Variants in ABCB1 observed in about 807,000 individuals in gnomAD.
The protein encoded by ABCB1 is ATP-dependent translocase ABCB1.
ABCB1 carries 69 observed loss-of-function variants against 142.0 expected under a neutral mutation model. That is an observed-to-expected ratio of 0.49 (90% CI 0.40 to 0.59). The LOEUF is 0.59. Ranked by LOEUF, ABCB1 falls within the 20% of genes least tolerant of loss-of-function variation. ABCB1 has a pLI of 0.00. For missense variants in ABCB1, 1,326 were observed against 1,554.7 expected, an observed-to-expected ratio of 0.85 and a Z score of 2.47; for synonymous variants, 532 against 539.2, an observed-to-expected ratio of 0.99 and a Z score of 0.18.
chr7:87,666,584 A>G (rs891534762), intron 1 of ABCB1, among the ~76,000 whole-genome samples: 1 of 151,792 alleles, frequency 6.6e-6, no homozygotes, highest in Non-Finnish European at 1.5e-5. Context: ...CCAGGATGGT[A>G]TTTCCTATGT....
rs182434349 is a variant in ABCB1 at position 87,707,070 on chromosome 7, C to T, written c.-331+6091G>A. On this transcript the variant is annotated intron_variant, in intron 1 of 28. Coordinates refer to the ABCB1 transcript ENST00000265724. ...TACAAAAAAAGGCCTAAAAGTAGTC[C>T]CCTAAATTGTGAGGTGATTTTCTAG... Among the ~76,000 whole-genome samples the T allele has an allele frequency of 2.6e-5, 4 of 152,116 alleles. No individual in the cohort carries two copies. In the East Asian group the frequency reaches 7.7e-4, roughly 29 times the overall value.
At chr7:87,605,216 C>T (rs1042603814), upstream of ABCB1, among the ~76,000 whole-genome samples, 2 of 152,174 alleles carry the variant, frequency 1.3e-5, no homozygotes, top group Non-Finnish European at 2.9e-5. Context: ...GCACTGCAAC[C>T]TCCGCCTCCT....
At chr7:87,575,121 A>C (rs1464984399) in intron 4 of ABCB1, among the ~76,000 whole-genome samples, 1 of 152,222 alleles carries the variant, frequency 6.6e-6, no homozygotes. Context: ...TTCTAAACCC[A>C]AGCAAGACTT....
intron 1 of ABCB1, among the ~76,000 whole-genome samples, chr7:87,643,680 T>C (rs1822678793): frequency 1.4e-5 from 2 of 141,822 alleles, no homozygotes; most frequent in African/African-American, 5.3e-5. Flanking sequence ...GCCGCCATGC[T>C]CAGCTGATTT....
intron 25 of ABCB1, 134 bp from the exon 26 acceptor site, chr7:87,509,615 G>T: frequency 1.1e-6 from 1 of 917,916 alleles, no homozygotes; most frequent in Non-Finnish European, 1.7e-6. Context: ...ATTAAAATTT[G>T]GATAGTGAAG....
intron 21 of ABCB1, among the ~76,000 whole-genome samples, chr7:87,528,836 G>T (rs1030071781): frequency 5.3e-5 from 8 of 152,196 alleles, no homozygotes; most frequent in African/African-American, 1.9e-4. Context: ...ATAATTTTGG[G>T]ATATGAATAA....
Position 87,661,769 on chromosome 7 carries a change from G to C in ABCB1, c.-331+51392C>G, listed in dbSNP as rs1824738807. Among the ~76,000 whole-genome samples, 7 of 151,930 alleles carry C rather than the reference G, an allele frequency of 4.6e-5. No homozygotes were observed. In the South Asian group the frequency reaches 1.5e-3, roughly 32 times the overall value. On this transcript the variant is annotated intron_variant, in intron 1 of 28. Transcript: ENST00000265724. Reference sequence around the variant, plus strand: ...TTCCTTTCTTTTAGGTATATATCTAGCACTGGGATAGCTGGATCATATGGT... The same window carrying C: ...TTCCTTTCTTTTAGGTATATATCTACCACTGGGATAGCTGGATCATATGGT...
intron 1 of ABCB1, among the ~76,000 whole-genome samples, chr7:87,655,147 G>C (rs1823967143): frequency 6.6e-6 from 1 of 151,956 alleles, no homozygotes; most frequent in Admixed American, 6.6e-5. Context: ...AAATAGAACT[G>C]CCATTAGTCT....
chr7:87,706,165 T>C (rs1271295680), intron 1 of ABCB1, among the ~76,000 whole-genome samples: 1 of 152,208 alleles, frequency 6.6e-6, no homozygotes, highest in Non-Finnish European at 1.5e-5. Context: ...TCCATGCATC[T>C]TTCCATCCAA....
At chr7:87,621,402 A>T (rs1031438847) in intron 1 of ABCB1, among the ~76,000 whole-genome samples, 15 of 152,260 alleles carry the variant, frequency 9.9e-5, no homozygotes, top group Non-Finnish European at 2.2e-4. Flanking sequence ...ATCAGTGGGA[A>T]AGTATGCATT....
At chr7:87,594,067 T>G (rs1819098348) in intron 3 of ABCB1, among the ~76,000 whole-genome samples, 1 of 152,206 alleles carries the variant, frequency 6.6e-6, no homozygotes, top group African/African-American at 2.4e-5. Context: ...TAAACTTTTA[T>G]TATGTTCTTG....
chr7:87,566,712 A>G, intron 6 of ABCB1, 73 bp downstream of exon 6: 1 of 1,424,990 alleles, frequency 7.0e-7, no homozygotes, highest in African/African-American at 1.4e-5. Flanking sequence ...CTCCTAACAG[A>G]TGTGATGACA....
At chr7:87,671,609 C>A (rs951556535) in intron 1 of ABCB1, among the ~76,000 whole-genome samples, 1 of 152,112 alleles carries the variant, frequency 6.6e-6, no homozygotes, top group African/African-American at 2.4e-5. Context: ...AGCTTTGTCC[C>A]TGGGAGGTAC....
intron 17 of ABCB1, among the ~76,000 whole-genome samples, chr7:87,542,974 C>T (rs1816605659): frequency 6.6e-6 from 1 of 152,190 alleles, no homozygotes; most frequent in African/African-American, 2.4e-5. Context: ...TGATCACATT[C>T]TCGGAATTTT....
chr7:87,565,175 AG>A (rs1310650645), intron 7 of ABCB1, among the ~76,000 whole-genome samples: 1 of 152,234 alleles, frequency 6.6e-6, no homozygotes, highest in Non-Finnish European at 1.5e-5. Flanking sequence ...TCCATTATAC[AG>A]GTTAAAATTT....
intron 1 of ABCB1, among the ~76,000 whole-genome samples, chr7:87,663,922 C>T (rs1302179503): frequency 6.6e-6 from 1 of 152,028 alleles, no homozygotes; most frequent in Non-Finnish European, 1.5e-5. Context: ...TTGTATGATC[C>T]TACTGGATGA....
chr7:87,560,464 T>C (rs1321463851), intron 8 of ABCB1, among the ~76,000 whole-genome samples: 1 of 152,190 alleles, frequency 6.6e-6, no homozygotes, highest in Non-Finnish European at 1.5e-5. Flanking sequence ...CTGCTGTGTG[T>C]TCGGCTCTCC....
intron 3 of ABCB1, among the ~76,000 whole-genome samples, chr7:87,593,979 C>T (rs1365464366): frequency 6.6e-6 from 1 of 152,134 alleles, no homozygotes; most frequent in Non-Finnish European, 1.5e-5. Context: ...TCTTGGAAAC[C>T]CTGAACACAC....
chr7:87,584,955 C>A (rs1241585395), intron 4 of ABCB1, among the ~76,000 whole-genome samples: 1 of 151,300 alleles, frequency 6.6e-6, no homozygotes, highest in Admixed American at 6.6e-5. Context: ...TAAAATACCC[C>A]CCCACACACA....
Sources: gnomAD v4.1 joint callset for allele counts (sites outside exome capture counted in the v4.1 genomes callset) on GRCh38, gnomAD v4.1.1 for gene constraint, MANE v1.5 for transcripts, NCBI Gene and HGNC (gene_info 2026-07-23, HGNC 2026-07-21) for gene names.